TP53BP1: variants seen among roughly 807,000 people sequenced by gnomAD.
The protein encoded by TP53BP1 is tumor protein p53 binding protein 1, also known as TP53-binding protein 1.
TP53BP1 carries 61 observed loss-of-function variants against 200.8 expected under a neutral mutation model. The observed-to-expected ratio is 0.30, with a 90% CI of 0.25 to 0.38. The LOEUF (loss-of-function observed/expected upper bound fraction) is 0.38. TP53BP1 is among the 10% of genes least tolerant of loss of function. TP53BP1 has a pLI of 1.00. For synonymous variants in TP53BP1, 822 were observed against 844.3 expected (o/e 0.97, Z 0.46); for missense variants, 2,144 against 2,371.9 (o/e 0.90, Z 2.00).
At position 43,404,561 on chromosome 15, in the gene TP53BP1, A is replaced by T; in HGVS notation, c.*2822T>A. ...GGTGGAACTCTGGGCAGGTAGGAGC[A>T]ACCCTTGGGTAACTCAGTAGACTTT... On this transcript the variant is annotated 3_prime_UTR_variant, in exon 28 of 28. Transcript: ENST00000382044. The T allele has an allele frequency of 1.2e-6, 2 of 1,613,902 alleles. No homozygotes were observed. Among genetic ancestry groups the T allele is most frequent in the Non-Finnish European group, 1.7e-6 (2 of 1,179,868 alleles).
chr15:43,436,262 G>A (rs1177056290), intron 16 of TP53BP1, among the ~76,000 whole-genome samples: 5 of 151,984 alleles, frequency 3.3e-5, no homozygotes, highest in South Asian at 2.1e-4. Context: ...AAGTGCCACC[G>A]CGCCTGGCTA....
intron 4 of TP53BP1, 125 bp downstream of exon 4, chr15:43,491,544 C>G: frequency 1.3e-6 from 1 of 777,392 alleles, no homozygotes; most frequent in South Asian, 1.4e-5. Context: ...ATACAACCCT[C>G]AAGTCCCATT....
chr15:43,495,600 G>A (rs899412455), upstream of TP53BP1, among the ~76,000 whole-genome samples: 2 of 151,756 alleles, frequency 1.3e-5, no homozygotes, highest in Non-Finnish European at 1.5e-5. Context: ...GGCAGATCAC[G>A]AGGTCAGGAG....
At chr15:43,481,536 G>T (rs1238521819) in intron 4 of TP53BP1, among the ~76,000 whole-genome samples, 3 of 151,180 alleles carry the variant, frequency 2.0e-5, no homozygotes, top group Non-Finnish European at 2.9e-5. Context: ...CAGAGTCTGG[G>T]CCGGGCACAG....
chr15:43,434,464 A>G (rs2045744378), intron 16 of TP53BP1, among the ~76,000 whole-genome samples: 1 of 152,246 alleles, frequency 6.6e-6, no homozygotes, highest in Non-Finnish European at 1.5e-5. Flanking sequence ...AAACAAGCTT[A>G]TAAATTTTAT....
chr15:43,418,290 G>A (rs1415331157), intron 21 of TP53BP1, among the ~76,000 whole-genome samples: 1 of 151,774 alleles, frequency 6.6e-6, no homozygotes, highest in Non-Finnish European at 1.5e-5. Flanking sequence ...TTGAGGTTGG[G>A]AGTTCGAGAC....
chr15:43,416,208 G>A lies in TP53BP1; in HGVS notation c.4873+17C>T, dbSNP rs1340113585. Reference sequence around the variant, plus strand: ...ACAGGAGCCCAAAAGCAGCTGTTCAGGAAGCAAAAGTCTTACCTAAGCTGA... The same window carrying A: ...ACAGGAGCCCAAAAGCAGCTGTTCAAGAAGCAAAAGTCTTACCTAAGCTGA... On this transcript the variant is annotated intron_variant, in intron 22 of 27. Coordinates refer to ENST00000382044, the MANE Select transcript of TP53BP1 (RefSeq NM_001141980.3). 12 of 1,605,396 alleles carry A rather than the reference G, an allele frequency of 7.5e-6. No individual in the cohort carries two copies. Among genetic ancestry groups the A allele is most frequent in the Non-Finnish European group, 7.6e-6 (9 of 1,176,790 alleles).
intron 11 of TP53BP1, among the ~76,000 whole-genome samples, chr15:43,458,186 C>T (rs1054920457): frequency 2.0e-5 from 3 of 152,038 alleles, no homozygotes; most frequent in African/African-American, 4.8e-5. Flanking sequence ...AATCCCAGCA[C>T]TTTAGTAGGC....
At chr15:43,412,203 C>T (rs2142960106) in intron 24 of TP53BP1, among the ~76,000 whole-genome samples, 1 of 152,322 alleles carries the variant, frequency 6.6e-6, no homozygotes, top group Middle Eastern at 3.4e-3. Flanking sequence ...CACATGGCTG[C>T]AGTCGGTGAG....
intron 11 of TP53BP1, among the ~76,000 whole-genome samples, chr15:43,467,062 T>TC (rs1022735385): frequency 1.3e-5 from 2 of 148,506 alleles, no homozygotes; most frequent in Non-Finnish European, 3.0e-5. Context: ...AAGGTATTCT[T>TC]TTTTTTTTTT....
At chr15:43,455,828 C>T (rs146490354) in intron 12 of TP53BP1, 64 bp downstream of exon 12, 26 of 1,577,628 alleles carry the variant, frequency 1.6e-5, no homozygotes, top group African/African-American at 6.8e-5. Flanking sequence ...ATGCAGTTCT[C>T]GCCAACTTTC....
intron 16 of TP53BP1, among the ~76,000 whole-genome samples, chr15:43,435,626 G>C (rs1046497488): frequency 6.6e-6 from 1 of 151,820 alleles, no homozygotes; most frequent in Admixed American, 6.6e-5. Flanking sequence ...TTAATGCACT[G>C]ACATATTTAT....
intron 24 of TP53BP1, chr15:43,412,621 AACCAGGC>A: frequency 2.1e-6 from 1 of 467,462 alleles, no homozygotes; most frequent in South Asian, 1.6e-5. Flanking sequence ...CACCCTGAGG[AACCAGGC>A]ACCCCACAGT....
intron 26 of TP53BP1, chr15:43,408,632 C>T (rs2045006503): frequency 2.2e-6 from 1 of 447,632 alleles, no homozygotes. Context: ...ATTTTTAATG[C>T]TTGCTTAAAA....
chr15:43,487,509 A>G (rs1244173476), intron 4 of TP53BP1, among the ~76,000 whole-genome samples: 2 of 152,092 alleles, frequency 1.3e-5, no homozygotes, highest in Non-Finnish European at 2.9e-5. Flanking sequence ...ACCTGTACAT[A>G]TGGCCGGGCA....
At chr15:43,489,347 A>T (rs186662032) in intron 4 of TP53BP1, among the ~76,000 whole-genome samples, 20 of 152,348 alleles carry the variant, frequency 1.3e-4, no homozygotes, top group Non-Finnish European at 1.5e-5. Context: ...TTCATTCACA[A>T]TGAGGGACGT....
chr15:43,405,152 T>G lies in TP53BP1; in HGVS notation c.*2231A>C. ...ATCCTGATTCATATTTCTTTGAAGG[T>G]AGTCTTGGGAAAGCATGACACTTAA... On this transcript the variant is annotated 3_prime_UTR_variant, in exon 28 of 28. Transcript: ENST00000382044. 1.2e-6 allele frequency: 2 copies of G among 1,606,734 alleles called. No individual in the cohort carries two copies. The highest frequency in any genetic ancestry group is 1.7e-6 in the Non-Finnish European group (2 of 1,173,752).
intron 15 of TP53BP1, 130 bp downstream of exon 15, chr15:43,441,396 T>G: frequency 1.4e-6 from 1 of 704,970 alleles, no homozygotes; most frequent in Admixed American, 2.2e-5. Context: ...TTCAAAACAT[T>G]GCTAAATCCT....
At chr15:43,459,710 G>A (rs1320968084) in intron 11 of TP53BP1, among the ~76,000 whole-genome samples, 1 of 151,234 alleles carries the variant, frequency 6.6e-6, no homozygotes, top group Non-Finnish European at 1.5e-5. Context: ...TGTTGCCTAG[G>A]CTCTGGAGTG....
Sources: allele counts gnomAD v4.1 joint callset (sites outside exome capture counted in the v4.1 genomes callset), GRCh38; gene constraint gnomAD v4.1.1; transcripts MANE v1.5; gene names NCBI Gene and HGNC (gene_info 2026-07-23, HGNC 2026-07-21).